Variants in ANGPT1 observed in about 807,000 individuals in gnomAD.
ANGPT1 encodes the protein angiopoietin 1.
ANGPT1 carries 17 observed loss-of-function variants against 62.2 expected under a neutral mutation model. The observed-to-expected ratio is 0.27, with a 90% CI of 0.19 to 0.41. The LOEUF is 0.41. Ranked by LOEUF, ANGPT1 falls within the 10% of genes least tolerant of loss-of-function variation. The probability of loss-of-function intolerance (pLI) is 1.00; values close to 1 mark genes in which losing one functional copy is unlikely to be tolerated. For synonymous variants in ANGPT1, 199 were observed against 198.9 expected (o/e 1.00, Z 0.00); for missense variants, 478 against 594.9 (o/e 0.80, Z 2.04).
intron 3 of ANGPT1, among the ~76,000 whole-genome samples, chr8:107,329,361 C>T (rs1345082252): frequency 1.3e-5 from 2 of 151,938 alleles, no homozygotes; most frequent in East Asian, 1.9e-4. Context: ...CATGTATATA[C>T]AACAAGTTTG....
chr8:107,285,428 G>A (rs545814156), intron 6 of ANGPT1, among the ~76,000 whole-genome samples: 1 of 151,956 alleles, frequency 6.6e-6, no homozygotes, highest in African/African-American at 2.4e-5. Flanking sequence ...GACTTTTGGA[G>A]CTTTAACTTT....
chr8:107,270,864 A>G (rs1417076039), intron 7 of ANGPT1, among the ~76,000 whole-genome samples: 2 of 152,064 alleles, frequency 1.3e-5, no homozygotes, highest in Non-Finnish European at 2.9e-5. Context: ...TCCAAAGAAA[A>G]GAGGATGTGA....
At chr8:107,324,265 T>C (rs779148107) in intron 3 of ANGPT1, among the ~76,000 whole-genome samples, 2 of 151,370 alleles carry the variant, frequency 1.3e-5, no homozygotes, top group African/African-American at 2.4e-5. Context: ...AAGTCAAGAA[T>C]GTGGCCTTAT....
At chr8:107,490,407 T>A (rs1215466074) in intron 1 of ANGPT1, among the ~76,000 whole-genome samples, 1 of 152,176 alleles carries the variant, frequency 6.6e-6, no homozygotes, top group Middle Eastern at 3.2e-3. Flanking sequence ...TAGGAATATT[T>A]CCCTGTTCTT....
chr8:107,391,205 C>T (rs190525607), intron 1 of ANGPT1, among the ~76,000 whole-genome samples: 61 of 152,262 alleles, frequency 4.0e-4, no homozygotes, highest in African/African-American at 1.4e-3. Flanking sequence ...CTCTGGTTCC[C>T]ATCATAATGT....
In ANGPT1 at chr8:107,290,246, C is replaced by T. The variant is rs191178092; in HGVS notation, c.1038+3690G>A. 2.0e-5 allele frequency among the ~76,000 whole-genome samples: 3 copies of T among 152,072 alleles called. No individual in the cohort carries two copies. In the East Asian group the frequency reaches 5.8e-4, roughly 29 times the overall value. ...CAAGAGGCAGCCCATAGATATCAAT[C>T]ACTATGAAGGGAAGGAAGGAGAGAG... On this transcript the variant is annotated intron_variant, in intron 6 of 8. Coordinates refer to ENST00000517746, the MANE Select transcript of ANGPT1 (RefSeq NM_001146.5).
At chr8:107,456,538 C>CA (rs1398727065) in intron 1 of ANGPT1, among the ~76,000 whole-genome samples, 1 of 152,030 alleles carries the variant, frequency 6.6e-6, no homozygotes, top group African/African-American at 2.4e-5. Context: ...ATTTCTTCTT[C>CA]AAAATCCTCT....
chr8:107,251,701 T>A lies in ANGPT1; in HGVS notation c.*154A>T. ...CTTGTGAACTCAAACGGCTCCAGAT[T>A]CACGGTCAAGAACCTTGGTGACTTC... is the stretch of plus-strand genomic sequence containing the variant. On this transcript the variant is annotated 3_prime_UTR_variant, in exon 9 of 9. Transcript: ENST00000517746. 1.1e-6 allele frequency: 1 copy of A among 949,814 alleles called. No homozygotes were observed. Among genetic ancestry groups the A allele is most frequent in the Non-Finnish European group, 1.5e-6 (1 of 655,542 alleles). 58.8% of individuals were successfully genotyped at this position (949,814 alleles called of 1,614,324 possible). A position where few individuals can be genotyped will look rare whatever the true frequency, so the allele number is the denominator to read the frequency against.
At chr8:107,481,073 A>T (rs748363265) in intron 1 of ANGPT1, among the ~76,000 whole-genome samples, 1 of 152,204 alleles carries the variant, frequency 6.6e-6, no homozygotes, top group African/African-American at 2.4e-5. Context: ...GCATGGAAAC[A>T]TCCAGAGAAA....
At chr8:107,435,043 A>C (rs1393123389) in intron 1 of ANGPT1, among the ~76,000 whole-genome samples, 1 of 152,128 alleles carries the variant, frequency 6.6e-6, no homozygotes. Flanking sequence ...TTTAATATAC[A>C]CCGTTTCCCT....
chr8:107,424,548 A>G (rs896174700), intron 1 of ANGPT1, among the ~76,000 whole-genome samples: 1 of 152,206 alleles, frequency 6.6e-6, no homozygotes, highest in Non-Finnish European at 1.5e-5. Context: ...CAAAGAAAAA[A>G]AAATTGAATG....
chr8:107,328,466 A>G (rs887313668), intron 3 of ANGPT1, among the ~76,000 whole-genome samples: 2 of 151,876 alleles, frequency 1.3e-5, no homozygotes, highest in Non-Finnish European at 2.9e-5. Context: ...GCAACTAAGA[A>G]AAAAAAAGAT....
At chr8:107,364,746 C>A (rs148902660) in intron 1 of ANGPT1, among the ~76,000 whole-genome samples, 2 of 152,174 alleles carry the variant, frequency 1.3e-5, no homozygotes, top group African/African-American at 2.4e-5. Flanking sequence ...TTGTATAACA[C>A]GTGCTAGTTG....
intron 1 of ANGPT1, among the ~76,000 whole-genome samples, chr8:107,453,929 T>C (rs1245937408): frequency 6.6e-6 from 1 of 152,050 alleles, no homozygotes; most frequent in Non-Finnish European, 1.5e-5. Context: ...TTCACACATC[T>C]GTGAAGAAAA....
chr8:107,457,825 TACAC>T (rs148742634), intron 1 of ANGPT1, among the ~76,000 whole-genome samples: 1,921 of 81,718 alleles, frequency 0.024, 39 homozygotes, highest in African/African-American at 0.071. Context: ...ACATACCCAC[TACAC>T]ACACACACAC....
At chr8:107,280,891 C>A (rs1813988611) in intron 7 of ANGPT1, among the ~76,000 whole-genome samples, 4 of 152,000 alleles carry the variant, frequency 2.6e-5, no homozygotes, top group Admixed American at 2.6e-4. Flanking sequence ...ACTAAAGAGG[C>A]AGGAAGGTTC....
rs1563557342 is a variant in ANGPT1 at position 107,299,969 on chromosome 8, CTAGTT to C, written c.936+3266_936+3270del. ...AGATATACTGTATATATACTATATA[CTAGTT>C]ATATCTAGATATCTAGATATAACTA... On this transcript the variant is annotated intron_variant, in intron 5 of 8. Coordinates refer to ENST00000517746, the MANE Select transcript of ANGPT1 (RefSeq NM_001146.5). 3.9e-3 allele frequency among the ~76,000 whole-genome samples: 510 copies of C among 130,908 alleles called. 19 individuals carry two copies. Among genetic ancestry groups the C allele is most frequent in the African/African-American group, 0.014 (487 of 34,782 alleles). 85.9% of individuals were successfully genotyped at this position (130,908 alleles called of 152,430 possible).
At chr8:107,480,059 A>AT (rs1473727751) in intron 1 of ANGPT1, among the ~76,000 whole-genome samples, 1 of 152,138 alleles carries the variant, frequency 6.6e-6, no homozygotes, top group African/African-American at 2.4e-5. Flanking sequence ...CTGGAATGCA[A>AT]TCTTCTGGAA....
intron 1 of ANGPT1, among the ~76,000 whole-genome samples, chr8:107,457,128 CA>C (rs1319445069): frequency 6.6e-6 from 1 of 151,866 alleles, no homozygotes; most frequent in East Asian, 1.9e-4. Flanking sequence ...AAAAATTCTA[CA>C]CAATATTTAT....
Sources: allele counts gnomAD v4.1 joint callset (sites outside exome capture counted in the v4.1 genomes callset), GRCh38; gene constraint gnomAD v4.1.1; transcripts MANE v1.5; gene names NCBI Gene and HGNC (gene_info 2026-07-23, HGNC 2026-07-21).